RNF150: variants seen among roughly 807,000 people sequenced by gnomAD.
RNF150 encodes ring finger protein 150.
Under a neutral mutation model 39.3 loss-of-function variants are expected in RNF150, and 24 were observed. The observed-to-expected ratio is 0.61, with a 90% CI of 0.44 to 0.86. The LOEUF is 0.86. RNF150 is among the 40% of genes least tolerant of loss of function. The pLI is 0.00. For missense variants in RNF150, 502 were observed against 587.8 expected (o/e 0.85, Z 1.51); for synonymous variants, 255 against 227.3 (o/e 1.12, Z -1.10).
chr4:141,177,686 C>A (rs984880311), intron 1 of RNF150, among the ~76,000 whole-genome samples: 4 of 152,072 alleles, frequency 2.6e-5, no homozygotes, highest in African/African-American at 9.7e-5. Flanking sequence ...TTCTTGTTCT[C>A]TTTTCTCCGA....
At position 140,925,828 on chromosome 4, in the gene RNF150, A is replaced by G. The variant is rs1017037658; in HGVS notation, c.987+149T>C. ...AGTGAGGGGAGAAATGCTTTCAGACATAGGAGTTCTCTTGGAGCCTTGTAA... is the reference window on the plus strand; with the variant it reads ...AGTGAGGGGAGAAATGCTTTCAGACGTAGGAGTTCTCTTGGAGCCTTGTAA... On this transcript the variant is annotated intron_variant, in intron 5 of 6. Transcript: ENST00000515673. 12 of 622,818 alleles carry G rather than the reference A, an allele frequency of 1.9e-5. No individual in the cohort carries two copies. In the Admixed American group the frequency reaches 3.0e-4, roughly 16 times the overall value. 38.6% of individuals were successfully genotyped at this position (622,818 alleles called of 1,614,324 possible). A position where few individuals can be genotyped will look rare whatever the true frequency, so the allele number is the denominator to read the frequency against.
intron 6 of RNF150, among the ~76,000 whole-genome samples, chr4:140,880,061 A>T (rs1321054695): frequency 6.6e-6 from 1 of 151,366 alleles, no homozygotes; most frequent in Non-Finnish European, 1.5e-5. Context: ...AAGAGTGAGC[A>T]TTCTTGTCTT....
chr4:140,924,711 G>A (rs1731319632), intron 5 of RNF150, among the ~76,000 whole-genome samples: 2 of 152,172 alleles, frequency 1.3e-5, no homozygotes, highest in Non-Finnish European at 2.9e-5. Context: ...GATGTTTCAT[G>A]TTCCTGTAAT....
intron 6 of RNF150, among the ~76,000 whole-genome samples, chr4:140,910,766 C>T (rs1426269221): frequency 6.6e-6 from 1 of 152,192 alleles, no homozygotes; most frequent in African/African-American, 2.4e-5. Context: ...TGGTTGTGCC[C>T]TATCCCAGTC....
intron 6 of RNF150, among the ~76,000 whole-genome samples, chr4:140,908,332 G>A (rs1285816916): frequency 1.3e-5 from 2 of 152,118 alleles, no homozygotes; most frequent in African/African-American, 2.4e-5. Context: ...AATAACCAGA[G>A]TGTTCATGTT....
chr4:140,875,172 T>A (rs1170154789), intron 6 of RNF150, among the ~76,000 whole-genome samples: 1 of 150,732 alleles, frequency 6.6e-6, no homozygotes, highest in Non-Finnish European at 1.5e-5. Context: ...CGTTTTTTTT[T>A]TTTTTTTTTG....
upstream of RNF150, among the ~76,000 whole-genome samples, chr4:141,137,060 T>C (rs970777053): frequency 9.9e-5 from 15 of 152,252 alleles, no homozygotes; most frequent in East Asian, 5.8e-4. Flanking sequence ...TGAGGCAAGA[T>C]TGTATTTGAT....
At chr4:141,027,257 G>A (rs1020607946) in intron 1 of RNF150, among the ~76,000 whole-genome samples, 5 of 152,178 alleles carry the variant, frequency 3.3e-5, no homozygotes, top group African/African-American at 1.2e-4. Context: ...AAAAGGAATA[G>A]AGTATGTTCA....
At chr4:141,177,567 TGGAATGTCAAACTTTCCTA>T (rs1403500785) in intron 1 of RNF150, among the ~76,000 whole-genome samples, 2 of 152,152 alleles carry the variant, frequency 1.3e-5, no homozygotes, top group African/African-American at 2.4e-5. Flanking sequence ...TTTATTATCC[TGGAATGTCAAACTTTCCTA>T]GGAAGAGAAT....
upstream of RNF150, among the ~76,000 whole-genome samples, chr4:141,136,763 G>GA (rs1727034067): frequency 1.3e-5 from 2 of 151,996 alleles, no homozygotes; most frequent in African/African-American, 4.8e-5. Context: ...TCTGGAGTTG[G>GA]AAAAAAACAG....
chr4:140,871,051 G>A (rs1728919964), intron 6 of RNF150, among the ~76,000 whole-genome samples: 1 of 151,348 alleles, frequency 6.6e-6, no homozygotes, highest in African/African-American at 2.4e-5. Context: ...TTATACTTAT[G>A]AGAACTGGGA....
intron 1 of RNF150, among the ~76,000 whole-genome samples, chr4:141,087,024 A>C (rs1578713829): frequency 6.6e-6 from 1 of 152,144 alleles, no homozygotes; most frequent in East Asian, 1.9e-4. Context: ...GGTACATGTG[A>C]AAGTTTTTTA....
intron 1 of RNF150, among the ~76,000 whole-genome samples, chr4:141,118,306 C>A (rs1726495147): frequency 6.6e-6 from 1 of 152,200 alleles, no homozygotes; most frequent in Non-Finnish European, 1.5e-5. Flanking sequence ...GGCAATTGAA[C>A]ATAGGTTTTG....
upstream of RNF150, among the ~76,000 whole-genome samples, chr4:141,134,982 C>G (rs1308598622): frequency 6.6e-6 from 1 of 152,164 alleles, no homozygotes; most frequent in Non-Finnish European, 1.5e-5. Flanking sequence ...TATCCCTTAC[C>G]CCTTCTTTCC....
At chr4:140,903,426 A>T (rs559739299) in intron 6 of RNF150, among the ~76,000 whole-genome samples, 26 of 152,174 alleles carry the variant, frequency 1.7e-4, no homozygotes, top group African/African-American at 6.0e-4. Context: ...GAATGATGGC[A>T]CTTCCCCATG....
intron 1 of RNF150, among the ~76,000 whole-genome samples, chr4:141,031,277 G>C (rs1479225453): frequency 6.6e-6 from 1 of 152,004 alleles, no homozygotes; most frequent in Non-Finnish European, 1.5e-5. Flanking sequence ...ATTTTGAACA[G>C]TTTCAGATGT....
chr4:141,049,740 A>G (rs1736708207), intron 1 of RNF150, among the ~76,000 whole-genome samples: 1 of 152,122 alleles, frequency 6.6e-6, no homozygotes, highest in South Asian at 2.1e-4. Flanking sequence ...ACTGTTGTAA[A>G]TTCATCTATG....
intron 1 of RNF150, among the ~76,000 whole-genome samples, chr4:141,120,391 G>GT (rs1446112059): frequency 6.6e-6 from 1 of 152,080 alleles, no homozygotes; most frequent in Admixed American, 6.6e-5. Context: ...AAAATTGAGG[G>GT]TGGTGACTGG....
chr4:141,006,663 G>A (rs1578624405), intron 1 of RNF150, among the ~76,000 whole-genome samples: 2 of 152,176 alleles, frequency 1.3e-5, no homozygotes, highest in East Asian at 3.8e-4. Flanking sequence ...CACTGATAAA[G>A]AAGGGCCTCT....
Sources: gnomAD v4.1 joint callset for allele counts (sites outside exome capture counted in the v4.1 genomes callset) on GRCh38, gnomAD v4.1.1 for gene constraint, MANE v1.5 for transcripts, NCBI Gene and HGNC (gene_info 2026-07-23, HGNC 2026-07-21) for gene names.